PPP3R1: variants seen among roughly 807,000 people sequenced by gnomAD.
The protein encoded by PPP3R1 is protein phosphatase 3 regulatory subunit B, alpha.
In PPP3R1, 5 loss-of-function variants were observed where a neutral mutation model predicts 22.6. The observed-to-expected ratio is 0.22, with a 90% confidence interval of 0.12 to 0.46. The LOEUF (loss-of-function observed/expected upper bound fraction) is 0.46. PPP3R1 is among the 20% of genes least tolerant of loss of function. The probability of loss-of-function intolerance (pLI) is 0.99; values close to 1 mark genes in which losing one functional copy is unlikely to be tolerated. For synonymous variants in PPP3R1, 56 were observed against 65.2 expected, an observed-to-expected ratio of 0.86 and a Z score of 0.68; for missense variants, 61 against 203.2, an observed-to-expected ratio of 0.30 and a Z score of 4.25.
rs80149802 is a variant in PPP3R1, at chr2:68,227,025, C to T, written c.4-9894G>A. 1.1e-3 allele frequency among the ~76,000 whole-genome samples: 167 copies of T among 152,122 alleles called. 4 individuals carry two copies. In the East Asian group the frequency reaches 0.028, roughly 25 times the overall value. On this transcript the variant is annotated intron_variant, in intron 1 of 5. Coordinates refer to ENST00000234310, the MANE Select transcript of PPP3R1 (RefSeq NM_000945.4). Reference sequence around the variant, plus strand: ...TAACCAAATAAGGAAATGTTGTCATCTCTTAAACTCTACTAGATAAAGATG... The same window carrying T: ...TAACCAAATAAGGAAATGTTGTCATTTCTTAAACTCTACTAGATAAAGATG...
intron 1 of PPP3R1, among the ~76,000 whole-genome samples, chr2:68,229,622 C>G (rs1019214556): frequency 2.6e-5 from 4 of 151,958 alleles, no homozygotes; most frequent in Non-Finnish European, 5.9e-5. Context: ...ATTGATTAAC[C>G]CTTTTATCAT....
chr2:68,217,873 G>A (rs986981883), intron 1 of PPP3R1, among the ~76,000 whole-genome samples: 3 of 152,014 alleles, frequency 2.0e-5, no homozygotes, highest in African/African-American at 7.2e-5. Context: ...TAGAGACCTG[G>A]GTCAGTGCCT....
chr2:68,204,386 C>T (rs1441066432), intron 2 of PPP3R1, among the ~76,000 whole-genome samples: 2 of 82,188 alleles, frequency 2.4e-5, no homozygotes, highest in African/African-American at 5.7e-5. Flanking sequence ...ATGTCTTAGA[C>T]AAATCTAGTC....
intron 1 of PPP3R1, among the ~76,000 whole-genome samples, chr2:68,224,866 AT>A (rs1669754088): frequency 6.6e-6 from 1 of 152,216 alleles, no homozygotes; most frequent in African/African-American, 2.4e-5. Flanking sequence ...TTTAAAAAAA[AT>A]GACATGAAGA....
intron 2 of PPP3R1, among the ~76,000 whole-genome samples, chr2:68,201,189 T>C (rs937869527): frequency 4.6e-5 from 7 of 152,168 alleles, no homozygotes; most frequent in African/African-American, 1.7e-4. Context: ...CTATGTGATG[T>C]TGCATTTGAA....
intron 2 of PPP3R1, 81 bp downstream of exon 2, chr2:68,217,009 GAT>G: frequency 1.1e-6 from 1 of 876,660 alleles, no homozygotes; most frequent in East Asian, 2.9e-5. Flanking sequence ...ACAGAGGTAT[GAT>G]ACACACACAC....
At chr2:68,190,798 T>C (rs1033033043) in intron 2 of PPP3R1, among the ~76,000 whole-genome samples, 4 of 152,186 alleles carry the variant, frequency 2.6e-5, no homozygotes, top group East Asian at 1.9e-4. Context: ...TAGGCATACA[T>C]TGGCTCACTA....
At chr2:68,238,344 T>C (rs1393837391) in intron 1 of PPP3R1, among the ~76,000 whole-genome samples, 3 of 151,658 alleles carry the variant, frequency 2.0e-5, no homozygotes, top group Non-Finnish European at 4.4e-5. Flanking sequence ...CCTGGGAGAG[T>C]TGGGAACATT....
chr2:68,251,937 G>A (rs1670370605), intron 1 of PPP3R1, among the ~76,000 whole-genome samples, 188 bp downstream of exon 1: 3 of 147,248 alleles, frequency 2.0e-5, no homozygotes, highest in African/African-American at 2.5e-5. Context: ...CCCCGCCGCC[G>A]TCCTGTCAGC....
At chr2:68,181,147 T>C (rs1674391644) in intron 5 of PPP3R1, 137 bp from the exon 6 acceptor site, 7 of 777,240 alleles carry the variant, frequency 9.0e-6, no homozygotes, top group Middle Eastern at 2.4e-4. Context: ...CCCAGCACTT[T>C]GGAAGGCCAA....
chr2:68,210,252 T>C (rs761797710), intron 2 of PPP3R1, among the ~76,000 whole-genome samples: 9 of 152,220 alleles, frequency 5.9e-5, no homozygotes, highest in Non-Finnish European at 1.3e-4. Context: ...AAAGATCTTA[T>C]TATTTCTCTC....
In PPP3R1 at chr2:68,252,488, C is replaced by T. The variant is rs987923029; in HGVS notation, c.-361G>A. The T allele has an allele frequency of 7.1e-6, 7 of 986,594 alleles. No individual in the cohort carries two copies. The East Asian group carries it at 5.6e-4, about 79-fold the overall frequency. 61.1% of individuals were successfully genotyped at this position (986,594 alleles called of 1,614,324 possible). On this transcript the variant is annotated 5_prime_UTR_variant, in exon 1 of 6. Transcript: ENST00000234310. ...CCTCGCGCTCGCGCCGGAGCCGTGA[C>T]GGACTCACTGCAGCGGCTCGCGCTG...
chr2:68,210,834 G>A (rs945653514), intron 2 of PPP3R1, among the ~76,000 whole-genome samples: 1 of 152,172 alleles, frequency 6.6e-6, no homozygotes, highest in Non-Finnish European at 1.5e-5. Context: ...AACTTTTTGA[G>A]TGTTGACATG....
intron 2 of PPP3R1, among the ~76,000 whole-genome samples, chr2:68,209,083 G>A (rs1669403990): frequency 6.6e-6 from 1 of 151,324 alleles, no homozygotes; most frequent in Non-Finnish European, 1.5e-5. Flanking sequence ...AGTTGGCCGG[G>A]CGCGGTGGCT....
intron 2 of PPP3R1, among the ~76,000 whole-genome samples, chr2:68,194,816 T>C (rs1674735837): frequency 6.6e-6 from 1 of 152,132 alleles, no homozygotes; most frequent in African/African-American, 2.4e-5. Context: ...TTCCCAATAA[T>C]TGTATAGTAG....
At chr2:68,198,152 CAT>C (rs1470704528) in intron 2 of PPP3R1, among the ~76,000 whole-genome samples, 6 of 129,580 alleles carry the variant, frequency 4.6e-5, no homozygotes, top group Non-Finnish European at 7.8e-5. Context: ...ATACAATACA[CAT>C]ATATGTAAAT....
chr2:68,215,426 T>A (rs1669562115), intron 2 of PPP3R1, among the ~76,000 whole-genome samples: 1 of 152,134 alleles, frequency 6.6e-6, no homozygotes, highest in South Asian at 2.1e-4. Context: ...GCATAGTAAA[T>A]TTGAAAGCTT....
At position 68,200,175 on chromosome 2, in the gene PPP3R1, T is replaced by C. The variant is rs183280730; in HGVS notation, c.44-11485A>G. Among the ~76,000 whole-genome samples the C allele has an allele frequency of 1.1e-3, 173 of 152,342 alleles. 1 individual carries two copies. The highest frequency in any genetic ancestry group is 2.1e-3 in the Non-Finnish European group (146 of 68,018). ...GAATTTGTCCATTTCATCTAAGGTATGGAACTTATTGGCATAAAATTGCTT... is the reference window on the plus strand; with the variant it reads ...GAATTTGTCCATTTCATCTAAGGTACGGAACTTATTGGCATAAAATTGCTT... On this transcript the variant is annotated intron_variant, in intron 2 of 5. Coordinates refer to ENST00000234310, the MANE Select transcript of PPP3R1 (RefSeq NM_000945.4).
intron 4 of PPP3R1, 140 bp from the exon 5 acceptor site, chr2:68,186,792 T>C (rs1674555150): frequency 3.5e-6 from 3 of 853,422 alleles, no homozygotes; most frequent in Non-Finnish European, 3.6e-6. Context: ...AGAGTTGTCC[T>C]TAGGCACAGT....
Sources: gnomAD v4.1 joint callset for allele counts (sites outside exome capture counted in the v4.1 genomes callset) on GRCh38, gnomAD v4.1.1 for gene constraint, MANE v1.5 for transcripts, NCBI Gene and HGNC (gene_info 2026-07-23, HGNC 2026-07-21) for gene names.